DPP6: variants seen among roughly 807,000 people sequenced by gnomAD.
DPP6 encodes dipeptidyl peptidase like 6, also known as A-type potassium channel modulatory protein DPP6.
A neutral mutation model predicts 122.6 loss-of-function variants in DPP6; 69 were observed. The observed-to-expected ratio is 0.56, with a 90% CI of 0.46 to 0.69. DPP6 has a LOEUF of 0.69. DPP6 is among the 30% of genes least tolerant of loss of function. DPP6 has a pLI of 0.00. For missense variants in DPP6, 928 were observed against 1,116.9 expected (o/e 0.83, Z 2.41); for synonymous variants, 418 against 433.1 (o/e 0.97, Z 0.43).
chr7:154,199,794 G>T (rs1052428136), intron 1 of DPP6, among the ~76,000 whole-genome samples: 2 of 152,002 alleles, frequency 1.3e-5, no homozygotes, highest in African/African-American at 2.4e-5. Flanking sequence ...TTTTAGTAGA[G>T]ACAGGTTTTC....
At chr7:154,762,764 C>A (rs1446102041) in intron 8 of DPP6, among the ~76,000 whole-genome samples, 1 of 152,226 alleles carries the variant, frequency 6.6e-6, no homozygotes, top group African/African-American at 2.4e-5. Flanking sequence ...ATTTTATGTT[C>A]TGCTTTTGGA....
intron 5 of DPP6, among the ~76,000 whole-genome samples, chr7:154,597,516 G>A (rs1264220850): frequency 6.6e-6 from 1 of 151,930 alleles, no homozygotes; most frequent in Non-Finnish European, 1.5e-5. Context: ...AGGAGGCTGA[G>A]GCAGGAGAAT....
At chr7:154,389,089 C>G (rs1814382415) in intron 1 of DPP6, among the ~76,000 whole-genome samples, 1 of 152,082 alleles carries the variant, frequency 6.6e-6, no homozygotes, top group Admixed American at 6.5e-5. Context: ...CAGTGAGCAC[C>G]CAGTCTCCAG....
At chr7:154,468,515 C>T (rs1299850201) in intron 2 of DPP6, among the ~76,000 whole-genome samples, 1 of 152,162 alleles carries the variant, frequency 6.6e-6, no homozygotes, top group Non-Finnish European at 1.5e-5. Flanking sequence ...GGTAGGGAAA[C>T]ATATCAACCT....
chr7:153,866,531 TG>T, the DPP6 span, among the ~76,000 whole-genome samples: 1 of 152,204 alleles, frequency 6.6e-6, no homozygotes, highest in Non-Finnish European at 1.5e-5. Context: ...TTGAGTTCAT[TG>T]TAGATTCTGG....
At chr7:154,805,717 A>G (rs1798654987) in intron 15 of DPP6, among the ~76,000 whole-genome samples, 1 of 152,062 alleles carries the variant, frequency 6.6e-6, no homozygotes, top group African/African-American at 2.4e-5. Flanking sequence ...TTCTACATTT[A>G]GTCCTGTCAT....
rs913670271 is a variant in DPP6 at position 154,608,275 on chromosome 7, A to G, written c.628-29546A>G. Among the ~76,000 whole-genome samples the G allele has an allele frequency of 3.0e-4, 41 of 135,588 alleles. 1 individual carries two copies. The highest frequency in any genetic ancestry group is 9.9e-4 in the African/African-American group (37 of 37,504). 89.0% of individuals were successfully genotyped at this position (135,588 alleles called of 152,430 possible). On this transcript the variant is annotated intron_variant, in intron 5 of 25. Transcript: ENST00000377770. The stretch of plus-strand genomic sequence containing the variant: ...TTACAGGCGTGAGCCACTGTGCCCC[A>G]CCTAGTTTTTTCTAAATACCATGCT...
chr7:153,966,602 T>C (rs1172825741), intron 1 of DPP6, among the ~76,000 whole-genome samples: 1 of 58 alleles, frequency 0.017, no homozygotes, highest in Non-Finnish European at 0.071. Flanking sequence ...CATATAGCCC[T>C]TTTTTTTTAA....
At chr7:154,401,370 TCCCG>T (rs1815582290) in intron 1 of DPP6, among the ~76,000 whole-genome samples, 2 of 152,134 alleles carry the variant, frequency 1.3e-5, no homozygotes, top group Non-Finnish European at 2.9e-5. Context: ...GCACCCAGAA[TCCCG>T]TGGCTTAACT....
chr7:154,559,441 G>C (rs1339514466), intron 4 of DPP6, among the ~76,000 whole-genome samples: 1 of 150,826 alleles, frequency 6.6e-6, no homozygotes, highest in Non-Finnish European at 1.5e-5. Flanking sequence ...AAAGTGAAGA[G>C]AGAAAAGAAG....
chr7:154,278,587 C>A (rs547020833), intron 1 of DPP6, among the ~76,000 whole-genome samples: 6 of 152,330 alleles, frequency 3.9e-5, no homozygotes, highest in Admixed American at 3.3e-4. Context: ...GGTGGTGCAA[C>A]TTTTAACAGT....
At chr7:154,235,934 C>A (rs1046101296) in intron 1 of DPP6, among the ~76,000 whole-genome samples, 1 of 152,192 alleles carries the variant, frequency 6.6e-6, no homozygotes, top group Non-Finnish European at 1.5e-5. Context: ...CTCACTACAG[C>A]CTCTGTCTCC....
intron 5 of DPP6, among the ~76,000 whole-genome samples, chr7:154,584,305 C>T (rs1323452888): frequency 6.6e-6 from 1 of 152,252 alleles, no homozygotes; most frequent in Admixed American, 6.5e-5. Flanking sequence ...ACAGTTCTCC[C>T]ACGCCCTTCC....
the DPP6 span, among the ~76,000 whole-genome samples, chr7:153,844,069 C>G: frequency 6.6e-6 from 1 of 152,160 alleles, no homozygotes; most frequent in Non-Finnish European, 1.5e-5. Context: ...GGATAGGAAT[C>G]TTGGTGATGT....
At chr7:154,494,858 C>G (rs1237161856) in intron 3 of DPP6, among the ~76,000 whole-genome samples, 1 of 152,140 alleles carries the variant, frequency 6.6e-6, no homozygotes, top group African/African-American at 2.4e-5. Flanking sequence ...ACGTTGTCCT[C>G]AGGTACTTGC....
At chr7:153,894,071 C>G (rs1176354713) in intron 1 of DPP6, among the ~76,000 whole-genome samples, 2 of 152,090 alleles carry the variant, frequency 1.3e-5, no homozygotes. Context: ...TTCCCTGGCC[C>G]CGCAACTCAC....
At chr7:154,090,215 A>T (rs958735158) in intron 1 of DPP6, among the ~76,000 whole-genome samples, 14 of 152,118 alleles carry the variant, frequency 9.2e-5, no homozygotes, top group Admixed American at 5.9e-4. Context: ...CAGTCTTCAC[A>T]CTTCGAGGAC....
intron 8 of DPP6, among the ~76,000 whole-genome samples, chr7:154,761,557 A>G (rs1795557646): frequency 6.6e-6 from 1 of 152,206 alleles, no homozygotes. Flanking sequence ...CAGACTGTGC[A>G]GGAAGCATAG....
intron 1 of DPP6, among the ~76,000 whole-genome samples, chr7:153,891,753 T>G (rs1799213465): frequency 1.3e-5 from 2 of 152,214 alleles, no homozygotes. Flanking sequence ...CTAAACATCT[T>G]GGGGACTGTC....
Sources: gnomAD v4.1 joint callset for allele counts (sites outside exome capture counted in the v4.1 genomes callset) on GRCh38, gnomAD v4.1.1 for gene constraint, MANE v1.5 for transcripts, NCBI Gene and HGNC (gene_info 2026-07-23, HGNC 2026-07-21) for gene names.